The following MYO1D variants were observed in gnomAD, a reference collection of about 807,000 sequenced individuals.
MYO1D encodes unconventional myosin-Id.
Under a neutral mutation model 122.0 loss-of-function variants are expected in MYO1D, and 83 were observed. That is an observed-to-expected ratio of 0.68 (90% CI 0.57 to 0.82). The LOEUF (loss-of-function observed/expected upper bound fraction) is 0.82. MYO1D is among the 40% of genes least tolerant of loss of function. The pLI, the probability that MYO1D is intolerant of heterozygous loss-of-function variation, is 0.00. For missense variants in MYO1D, 1,157 were observed against 1,269.5 expected, an observed-to-expected ratio of 0.91 and a Z score of 1.35; for synonymous variants, 464 against 446.9, an observed-to-expected ratio of 1.04 and a Z score of -0.48.
intron 1 of MYO1D, among the ~76,000 whole-genome samples, chr17:32,862,381 C>T (rs752275942): frequency 2.6e-5 from 4 of 152,192 alleles, no homozygotes; most frequent in Non-Finnish European, 5.9e-5. Flanking sequence ...ATAAAGACAA[C>T]GTGGCTGCCA....
At chr17:32,497,843 T>A (rs1909175076) in intron 21 of MYO1D, 1 of 152,354 alleles carries the variant, frequency 6.6e-6, no homozygotes, top group Admixed American at 6.5e-5. Flanking sequence ...GGGTTGTGGA[T>A]GTGGATGAGC....
At chr17:32,732,267 G>A (rs1258143461) in intron 14 of MYO1D, among the ~76,000 whole-genome samples, 3 of 152,212 alleles carry the variant, frequency 2.0e-5, no homozygotes, top group Non-Finnish European at 2.9e-5. Flanking sequence ...GGGGTGGGTC[G>A]CTGGTGAAAT....
At chr17:32,521,833 C>T (rs1910149161) in intron 21 of MYO1D, among the ~76,000 whole-genome samples, 1 of 151,994 alleles carries the variant, frequency 6.6e-6, no homozygotes, top group Non-Finnish European at 1.5e-5. Flanking sequence ...CCTGTAATCC[C>T]CGCACTTTGG....
intron 15 of MYO1D, among the ~76,000 whole-genome samples, chr17:32,718,363 T>C (rs1018033332): frequency 6.6e-6 from 1 of 152,196 alleles, no homozygotes; most frequent in Non-Finnish European, 1.5e-5. Flanking sequence ...TTGAACTTCA[T>C]ATAAAGGGCA....
intron 1 of MYO1D, among the ~76,000 whole-genome samples, chr17:32,799,832 C>G (rs927083607): frequency 6.6e-6 from 1 of 152,098 alleles, no homozygotes; most frequent in Non-Finnish European, 1.5e-5. Flanking sequence ...ATATAAGAAA[C>G]TCAAACTACT....
intron 21 of MYO1D, among the ~76,000 whole-genome samples, chr17:32,557,204 T>C (rs984727193): frequency 2.6e-5 from 4 of 151,878 alleles, no homozygotes; most frequent in Admixed American, 6.6e-5. Flanking sequence ...CTGCAACCTC[T>C]GCCTTCCGGT....
intron 21 of MYO1D, among the ~76,000 whole-genome samples, chr17:32,598,247 G>A (rs1473801174): frequency 2.6e-5 from 4 of 152,162 alleles, no homozygotes; most frequent in Non-Finnish European, 4.4e-5. Context: ...GGTGACACAC[G>A]CCTGCAATTC....
chr17:32,616,728 G>C (rs957277627), intron 20 of MYO1D, among the ~76,000 whole-genome samples: 7 of 152,176 alleles, frequency 4.6e-5, no homozygotes, highest in African/African-American at 1.7e-4. Context: ...CCCATAGAAA[G>C]ATAGAGGTCT....
At chr17:32,720,436 T>G (rs1224963556) in intron 15 of MYO1D, among the ~76,000 whole-genome samples, 1 of 152,186 alleles carries the variant, frequency 6.6e-6, no homozygotes, top group Non-Finnish European at 1.5e-5. Flanking sequence ...GAAAAGGGTA[T>G]GTAATTTGTC....
chr17:32,799,813 ATCCAT>A (rs2090445937), intron 1 of MYO1D, among the ~76,000 whole-genome samples: 1 of 152,174 alleles, frequency 6.6e-6, no homozygotes, highest in South Asian at 2.1e-4. Context: ...AGGGGCTAAT[ATCCAT>A]AATATATAAG....
chr17:32,818,354 T>C lies in MYO1D; in HGVS notation c.96-37570A>G, dbSNP rs142575010. Among the ~76,000 whole-genome samples the C allele has an allele frequency of 5.9e-5, 9 of 152,126 alleles. No individual in the cohort carries two copies. In the East Asian group the frequency reaches 1.7e-3, roughly 30 times the overall value. On this transcript the variant is annotated intron_variant, in intron 1 of 21. Coordinates refer to ENST00000318217, the MANE Select transcript of MYO1D (RefSeq NM_015194.3). ...CCAGCAATGCTGAGCTGTGGTCCCATGTGAAGGCCTCATTATGGAAGGAGG... is the reference window on the plus strand; with the variant it reads ...CCAGCAATGCTGAGCTGTGGTCCCACGTGAAGGCCTCATTATGGAAGGAGG...
chr17:32,874,304 C>CTCTCTCTCTCTCTCTGTGTCTCTG (rs6146033), intron 1 of MYO1D, among the ~76,000 whole-genome samples: 82 of 149,274 alleles, frequency 5.5e-4, no homozygotes, highest in East Asian at 7.9e-4. Context: ...GTCTCTGTCT[C>CTCTCTCTCTCTCTCTGTGTCTCTG]TCTCTCTCTC....
chr17:32,783,868 T>C (rs1353213203), intron 1 of MYO1D, among the ~76,000 whole-genome samples: 2 of 152,218 alleles, frequency 1.3e-5, no homozygotes, highest in Non-Finnish European at 1.5e-5. Flanking sequence ...TATCATCTCT[T>C]ACAAGAGACC....
chr17:32,547,014 A>T (rs2086970003), intron 21 of MYO1D, among the ~76,000 whole-genome samples: 1 of 150,202 alleles, frequency 6.7e-6, no homozygotes, highest in Non-Finnish European at 1.5e-5. Context: ...AGCTCCAGTG[A>T]TCCTCCTTCC....
At chr17:32,727,203 C>A (rs913211226) in intron 14 of MYO1D, among the ~76,000 whole-genome samples, 1 of 152,164 alleles carries the variant, frequency 6.6e-6, no homozygotes, top group African/African-American at 2.4e-5. Context: ...TAGCAGGTAG[C>A]GTCAGTGTCC....
chr17:32,842,407 T>C (rs1461204860), intron 1 of MYO1D, among the ~76,000 whole-genome samples: 1 of 151,958 alleles, frequency 6.6e-6, no homozygotes, highest in African/African-American at 2.4e-5. Context: ...CTCTTAGGAG[T>C]TGGCTGCACA....
intron 21 of MYO1D, among the ~76,000 whole-genome samples, chr17:32,552,615 A>G (rs1035808472): frequency 3.3e-5 from 5 of 152,090 alleles, no homozygotes; most frequent in Non-Finnish European, 5.9e-5. Flanking sequence ...GTATACACCA[A>G]TGCTTACTAT....
chr17:32,608,520 G>C (rs578202190), intron 20 of MYO1D, among the ~76,000 whole-genome samples: 39 of 152,322 alleles, frequency 2.6e-4, no homozygotes, highest in Non-Finnish European at 5.3e-4. Flanking sequence ...CACAGAACAA[G>C]TGGGACTCAC....
intron 1 of MYO1D, among the ~76,000 whole-genome samples, chr17:32,781,979 C>T (rs1474264942): frequency 1.3e-5 from 2 of 152,214 alleles, no homozygotes; most frequent in Non-Finnish European, 1.5e-5. Flanking sequence ...ATCTCTCTCA[C>T]GTCCAAGAAC....
Sources: gnomAD v4.1 joint callset for allele counts (sites outside exome capture counted in the v4.1 genomes callset) on GRCh38, gnomAD v4.1.1 for gene constraint, MANE v1.5 for transcripts, NCBI Gene and HGNC (gene_info 2026-07-23, HGNC 2026-07-21) for gene names.